Variants in PLGRKT observed in about 807,000 individuals in gnomAD.
PLGRKT encodes the protein plasminogen receptor with a C-terminal lysine, also known as plasminogen receptor (KT).
A neutral mutation model predicts 18.5 loss-of-function variants in PLGRKT; 22 were observed. The ratio of observed to expected loss-of-function variants is 1.19; its 90% CI spans 0.85 to 1.70. The LOEUF (loss-of-function observed/expected upper bound fraction) is 1.70, where lower values mean the gene tolerates loss of function less well. PLGRKT is among the 40% of genes most tolerant of loss of function. The pLI is 0.00. For synonymous variants in PLGRKT, 72 were observed against 52.8 expected, an observed-to-expected ratio of 1.36 and a Z score of -1.58; for missense variants, 235 against 174.4, an observed-to-expected ratio of 1.35 and a Z score of -1.96.
chr9:5,413,422 G>C (rs1171953386), intron 3 of PLGRKT, among the ~76,000 whole-genome samples: 1 of 152,134 alleles, frequency 6.6e-6, no homozygotes, highest in East Asian at 1.9e-4. Context: ...ACTCAGCTCA[G>C]GATTTTAAGA....
At chr9:5,436,900 A>G (rs1286390526) in intron 1 of PLGRKT, among the ~76,000 whole-genome samples, 1 of 152,226 alleles carries the variant, frequency 6.6e-6, no homozygotes, top group African/African-American at 2.4e-5. Flanking sequence ...TGACCTTGCA[A>G]TAGGGATAAC....
intron 3 of PLGRKT, among the ~76,000 whole-genome samples, chr9:5,378,912 A>G (rs1817683793): frequency 6.6e-6 from 1 of 152,216 alleles, no homozygotes; most frequent in Admixed American, 6.5e-5. Context: ...ATATTTTTAA[A>G]TTCTTTATAA....
chr9:5,358,616 G>A (rs765759397), intron 5 of PLGRKT, among the ~76,000 whole-genome samples: 3 of 152,176 alleles, frequency 2.0e-5, no homozygotes, highest in Non-Finnish European at 4.4e-5. Flanking sequence ...ATCAAGATAA[G>A]TAATTTTTTC....
intron 3 of PLGRKT, among the ~76,000 whole-genome samples, chr9:5,385,047 G>C (rs755248631): frequency 3.9e-5 from 6 of 152,114 alleles, no homozygotes; most frequent in African/African-American, 9.7e-5. Context: ...GAGGTGGGTG[G>C]GGCCAGGGGA....
intron 3 of PLGRKT, among the ~76,000 whole-genome samples, chr9:5,390,932 TA>T (rs1433643195): frequency 2.0e-5 from 3 of 151,960 alleles, no homozygotes; most frequent in African/African-American, 7.3e-5. Context: ...CAGAAAATTA[TA>T]ATAAGGGGGA....
intron 3 of PLGRKT, among the ~76,000 whole-genome samples, chr9:5,404,985 T>C (rs533810726): frequency 3.3e-5 from 5 of 151,756 alleles, no homozygotes; most frequent in African/African-American, 9.7e-5. Flanking sequence ...ATACCAACAA[T>C]AGACAAGCAG....
chr9:5,368,903 T>G (rs1042550082), intron 3 of PLGRKT, among the ~76,000 whole-genome samples: 1 of 152,138 alleles, frequency 6.6e-6, no homozygotes, highest in East Asian at 1.9e-4. Context: ...TGGCTAGCCA[T>G]ATGCAGAAAA....
At chr9:5,402,633 G>A (rs1335751069) in intron 3 of PLGRKT, among the ~76,000 whole-genome samples, 1 of 151,948 alleles carries the variant, frequency 6.6e-6, no homozygotes. Flanking sequence ...GGACGAGGAA[G>A]AGCAGGGTAT....
intron 3 of PLGRKT, chr9:5,382,129 C>G (rs1003469292): frequency 4.3e-6 from 2 of 465,696 alleles, no homozygotes; most frequent in Non-Finnish European, 5.6e-6. Flanking sequence ...ATAAACTATT[C>G]ATGATGACTC....
At chr9:5,359,741 C>T (rs1335405444) in intron 5 of PLGRKT, among the ~76,000 whole-genome samples, 2 of 152,106 alleles carry the variant, frequency 1.3e-5, no homozygotes, top group East Asian at 1.9e-4. Context: ...CAAAAATTTC[C>T]TATTAAATTT....
intron 3 of PLGRKT, among the ~76,000 whole-genome samples, chr9:5,414,227 T>A (rs959108292): frequency 1.8e-4 from 28 of 152,152 alleles, no homozygotes; most frequent in Admixed American, 1.8e-3. Context: ...AGTGCAATGG[T>A]GCAATCTCGC....
At chr9:5,426,963 T>C (rs547542200) in intron 3 of PLGRKT, among the ~76,000 whole-genome samples, 3 of 152,244 alleles carry the variant, frequency 2.0e-5, no homozygotes, top group African/African-American at 4.8e-5. Flanking sequence ...AGTAATAAAG[T>C]CTTCTGCCAG....
chr9:5,396,989 G>C (rs1818062181), intron 3 of PLGRKT, among the ~76,000 whole-genome samples: 1 of 151,934 alleles, frequency 6.6e-6, no homozygotes, highest in South Asian at 2.1e-4. Context: ...GCAAACATAA[G>C]ACTATTCTAC....
intron 3 of PLGRKT, among the ~76,000 whole-genome samples, chr9:5,377,656 T>C (rs1170828598): frequency 6.6e-6 from 1 of 152,184 alleles, no homozygotes; most frequent in Non-Finnish European, 1.5e-5. Context: ...AAGCAGACTC[T>C]AGGGAGGACT....
chr9:5,415,951 CAAA>C (rs59736004), intron 3 of PLGRKT, among the ~76,000 whole-genome samples: 3 of 137,412 alleles, frequency 2.2e-5, no homozygotes, highest in Non-Finnish European at 1.6e-5. Flanking sequence ...GGTGAAATAT[CAAA>C]AAAAAAAAAA....
intron 3 of PLGRKT, among the ~76,000 whole-genome samples, chr9:5,401,585 T>G (rs1310857195): frequency 6.6e-6 from 1 of 152,014 alleles, no homozygotes; most frequent in African/African-American, 2.4e-5. Flanking sequence ...AAAACATTTT[T>G]TAAGCAGAGC....
chr9:5,417,041 T>C (rs1386752353), intron 3 of PLGRKT, among the ~76,000 whole-genome samples: 1 of 152,240 alleles, frequency 6.6e-6, no homozygotes, highest in East Asian at 1.9e-4. Context: ...TGCATAATAG[T>C]ATTTGCATTT....
chr9:5,389,213 G>C (rs1183308035), intron 3 of PLGRKT, among the ~76,000 whole-genome samples: 2 of 151,942 alleles, frequency 1.3e-5, no homozygotes, highest in Admixed American at 1.3e-4. Flanking sequence ...GCAGGCAACA[G>C]TGAAAAATAG....
At chr9:5,375,388 C>T (rs1817608543) in intron 3 of PLGRKT, among the ~76,000 whole-genome samples, 1 of 152,250 alleles carries the variant, frequency 6.6e-6, no homozygotes, top group South Asian at 2.1e-4. Flanking sequence ...CTTCCAGGAA[C>T]AATGCAGGCA....
Sources: allele counts gnomAD v4.1 joint callset (sites outside exome capture counted in the v4.1 genomes callset), GRCh38; gene constraint gnomAD v4.1.1; transcripts MANE v1.5; gene names NCBI Gene and HGNC (gene_info 2026-07-23, HGNC 2026-07-21).